The following CYYR1 variants were observed in gnomAD, a reference collection of about 807,000 sequenced individuals.
CYYR1 encodes the protein cysteine and tyrosine-rich protein 1.
Under a neutral mutation model 15.2 loss-of-function variants are expected in CYYR1, and 14 were observed. That is an observed-to-expected ratio of 0.92 (90% CI 0.61 to 1.44). The LOEUF is 1.44. Among genes scored for constraint, CYYR1 ranks in the 40% most tolerant of loss-of-function variants. The pLI is 0.00. For missense variants in CYYR1, 228 were observed against 209.5 expected (o/e 1.09, Z -0.54); for synonymous variants, 80 against 77.4 (o/e 1.03, Z -0.18).
intron 2 of CYYR1, among the ~76,000 whole-genome samples, chr21:26,531,497 C>T (rs902906857): frequency 1.3e-5 from 2 of 152,068 alleles, no homozygotes; most frequent in African/African-American, 2.4e-5. Flanking sequence ...AGAGTTTTCA[C>T]GAGATCTGGT....
chr21:26,558,308 T>G (rs778662059), intron 2 of CYYR1, among the ~76,000 whole-genome samples: 1 of 152,176 alleles, frequency 6.6e-6, no homozygotes, highest in Non-Finnish European at 1.5e-5. Context: ...TGCCACTACC[T>G]GGATTTATTA....
chr21:26,494,949 C>T (rs544301351), intron 2 of CYYR1, among the ~76,000 whole-genome samples: 8 of 152,046 alleles, frequency 5.3e-5, no homozygotes, highest in Non-Finnish European at 8.8e-5. Flanking sequence ...GTTCTTACAC[C>T]ACAACTTTGT....
At chr21:26,557,193 G>A (rs1017130054) in intron 2 of CYYR1, among the ~76,000 whole-genome samples, 3 of 152,128 alleles carry the variant, frequency 2.0e-5, no homozygotes, top group Non-Finnish European at 4.4e-5. Context: ...GACAGAGAAC[G>A]CATTAAATAA....
intron 2 of CYYR1, among the ~76,000 whole-genome samples, chr21:26,548,066 C>A (rs1979108926): frequency 6.6e-6 from 1 of 152,120 alleles, no homozygotes; most frequent in South Asian, 2.1e-4. Context: ...TTGGCACAGG[C>A]AAAGCTTTGT....
At chr21:26,513,953 T>C (rs899617060) in intron 2 of CYYR1, among the ~76,000 whole-genome samples, 3 of 150,204 alleles carry the variant, frequency 2.0e-5, no homozygotes, top group Non-Finnish European at 4.4e-5. Flanking sequence ...TTAGGAGATA[T>C]ACCTAATGTA....
At chr21:26,559,141 G>T (rs139328994) in intron 2 of CYYR1, among the ~76,000 whole-genome samples, 3 of 152,086 alleles carry the variant, frequency 2.0e-5, no homozygotes, top group African/African-American at 7.2e-5. Context: ...TCAGACTTAC[G>T]GAGTATTTGA....
At chr21:26,495,157 G>A (rs993914483) in intron 2 of CYYR1, among the ~76,000 whole-genome samples, 37 of 152,206 alleles carry the variant, frequency 2.4e-4, no homozygotes, top group African/African-American at 8.7e-4. Context: ...TATGTGGACA[G>A]GCGGAATAAG....
chr21:26,531,340 A>T (rs2065928206), intron 2 of CYYR1, among the ~76,000 whole-genome samples: 1 of 152,014 alleles, frequency 6.6e-6, no homozygotes, highest in Admixed American at 6.6e-5. Flanking sequence ...TGTCTATGTC[A>T]TGTACTTTCC....
intron 2 of CYYR1, among the ~76,000 whole-genome samples, chr21:26,537,699 T>C (rs751507919): frequency 2.0e-5 from 3 of 152,084 alleles, no homozygotes; most frequent in Non-Finnish European, 2.9e-5. Context: ...GGCTGGTAAG[T>C]AGAAAGCTAG....
intron 2 of CYYR1, among the ~76,000 whole-genome samples, chr21:26,517,942 T>C (rs2065754291): frequency 6.6e-6 from 1 of 152,192 alleles, no homozygotes. Context: ...ACCTCAGCAC[T>C]TGTCTGTGAC....
chr21:26,499,682 G>T (rs2065453828), intron 2 of CYYR1, among the ~76,000 whole-genome samples: 1 of 152,156 alleles, frequency 6.6e-6, no homozygotes. Context: ...TAAGCAGGAG[G>T]TTATGTTTGT....
At chr21:26,566,415 A>G (rs752937333) in intron 1 of CYYR1, 47 bp from the exon 2 acceptor site, 2 of 1,428,964 alleles carry the variant, frequency 1.4e-6, no homozygotes, top group Admixed American at 3.5e-5. Flanking sequence ...GTAAAATCAC[A>G]GTTTCAAGAA....
chr21:26,497,590 G>A (rs1322572376), intron 2 of CYYR1, among the ~76,000 whole-genome samples: 2 of 152,092 alleles, frequency 1.3e-5, no homozygotes, highest in African/African-American at 4.8e-5. Context: ...AGTTCCAGTA[G>A]CACATGGGGC....
chr21:26,521,304 C>CCCCATCAAATAA (rs1281351540), intron 2 of CYYR1, among the ~76,000 whole-genome samples: 1 of 152,188 alleles, frequency 6.6e-6, no homozygotes, highest in Non-Finnish European at 1.5e-5. Context: ...TCCTTGGTTT[C>CCCCATCAAATAA]CCCATCAAAT....
At chr21:26,542,588 G>A (rs888596318) in intron 2 of CYYR1, among the ~76,000 whole-genome samples, 2 of 151,664 alleles carry the variant, frequency 1.3e-5, no homozygotes. Flanking sequence ...CCAGAACAAG[G>A]CAAAGATACC....
intron 3 of CYYR1, among the ~76,000 whole-genome samples, chr21:26,469,425 T>C (rs1408222583): frequency 6.6e-6 from 1 of 152,188 alleles, no homozygotes; most frequent in East Asian, 1.9e-4. Context: ...TATGAAAAAT[T>C]TTCTTTATTT....
At chr21:26,543,871 A>C (rs1382443817) in intron 2 of CYYR1, among the ~76,000 whole-genome samples, 3 of 152,080 alleles carry the variant, frequency 2.0e-5, no homozygotes, top group Non-Finnish European at 4.4e-5. Flanking sequence ...ACGGCACTGC[A>C]CTCCAGCCTG....
chr21:26,543,515 G>C (rs1353297237), intron 2 of CYYR1, among the ~76,000 whole-genome samples: 1 of 152,068 alleles, frequency 6.6e-6, no homozygotes, highest in Non-Finnish European at 1.5e-5. Context: ...CTTTCCTTCC[G>C]CACTGGGACC....
chr21:26,534,668 C>G (rs1201957308), intron 2 of CYYR1, among the ~76,000 whole-genome samples: 1 of 152,140 alleles, frequency 6.6e-6, no homozygotes, highest in Non-Finnish European at 1.5e-5. Flanking sequence ...CCTACTGTCT[C>G]TGCATTTTCG....
Sources: gnomAD v4.1 joint callset for allele counts (sites outside exome capture counted in the v4.1 genomes callset) on GRCh38, gnomAD v4.1.1 for gene constraint, MANE v1.5 for transcripts, NCBI Gene and HGNC (gene_info 2026-07-23, HGNC 2026-07-21) for gene names.